Variants in PLXNA4 observed in about 807,000 individuals in gnomAD.
PLXNA4 encodes the protein plexin-A4.
PLXNA4 carries 44 observed loss-of-function variants against 191.8 expected under a neutral mutation model. The observed-to-expected ratio is 0.23, with a 90% CI of 0.18 to 0.29. PLXNA4 has a LOEUF of 0.29. PLXNA4 is among the 10% of genes least tolerant of loss of function. The pLI is 1.00. For missense variants in PLXNA4, 1,800 were observed against 2,488.8 expected, an observed-to-expected ratio of 0.72 and a Z score of 5.89; for synonymous variants, 1,082 against 1,009.5, an observed-to-expected ratio of 1.07 and a Z score of -1.36.
intron 3 of PLXNA4, among the ~76,000 whole-genome samples, chr7:132,393,196 C>T (rs1397513434): frequency 7.2e-6 from 1 of 139,036 alleles, no homozygotes; most frequent in Admixed American, 7.5e-5. Context: ...CAACACCCCC[C>T]CCCACCACCA....
chr7:132,490,855 C>G (rs1024224972), intron 2 of PLXNA4, among the ~76,000 whole-genome samples: 2 of 152,180 alleles, frequency 1.3e-5, no homozygotes, highest in Non-Finnish European at 2.9e-5. Flanking sequence ...AGTCAGGAAG[C>G]TTTGGGGCCA....
At chr7:132,412,154 AC>A (rs1794481158) in intron 3 of PLXNA4, among the ~76,000 whole-genome samples, 1 of 151,760 alleles carries the variant, frequency 6.6e-6, no homozygotes, top group African/African-American at 2.4e-5. Flanking sequence ...TTCTGAGTAG[AC>A]CCCCAAAACT....
At chr7:132,498,920 T>C (rs1798137619) in intron 2 of PLXNA4, among the ~76,000 whole-genome samples, 1 of 152,228 alleles carries the variant, frequency 6.6e-6, no homozygotes, top group Admixed American at 6.5e-5. Flanking sequence ...CTTCTTTTAA[T>C]ACTCATTTTG....
chr7:132,158,413 G>A (rs6956441), intron 25 of PLXNA4, among the ~76,000 whole-genome samples: 2,556 of 152,246 alleles, frequency 0.017, 60 homozygotes, highest in African/African-American at 0.058. Flanking sequence ...TATGTTACCA[G>A]GAATCTCCAG....
intron 4 of PLXNA4, among the ~76,000 whole-genome samples, chr7:132,252,024 C>G (rs1033954135): frequency 1.3e-5 from 2 of 152,148 alleles, no homozygotes; most frequent in Admixed American, 6.5e-5. Context: ...GAGGCAGAGA[C>G]GACAGATGAC....
chr7:132,638,296 C>T (rs1410584594), intron 2 of PLXNA4, among the ~76,000 whole-genome samples: 4 of 152,186 alleles, frequency 2.6e-5, no homozygotes, highest in Admixed American at 6.5e-5. Context: ...CACATCATAG[C>T]GGGTTTAGGC....
intron 3 of PLXNA4, among the ~76,000 whole-genome samples, chr7:132,310,885 C>T (rs1801703234): frequency 6.6e-6 from 1 of 152,130 alleles, no homozygotes; most frequent in Non-Finnish European, 1.5e-5. Flanking sequence ...CCATGTTCAC[C>T]TATGACAAGG....
At chr7:132,522,385 G>A (rs1367146502) in intron 1 of PLXNA4, among the ~76,000 whole-genome samples, 1 of 152,206 alleles carries the variant, frequency 6.6e-6, no homozygotes, top group Non-Finnish European at 1.5e-5. Flanking sequence ...CATGACTTTG[G>A]ATGTCAGAGA....
chr7:132,165,222 A>C, intron 22 of PLXNA4, 22 bp from the exon 23 acceptor site: 1 of 1,608,296 alleles, frequency 6.2e-7, no homozygotes, highest in Non-Finnish European at 8.5e-7. Context: ...CACCGAGGGA[A>C]CCAACGGAAC....
chr7:132,364,444 T>C (rs1804072858), intron 3 of PLXNA4, among the ~76,000 whole-genome samples: 1 of 152,054 alleles, frequency 6.6e-6, no homozygotes, highest in African/African-American at 2.4e-5. Context: ...AGTGGTTTCA[T>C]GTCAGCTCAC....
At position 132,539,866 on chromosome 7, in the gene PLXNA4, T is replaced by C. The variant is rs140935195; in HGVS notation, c.-86-31087A>G. On this transcript the variant is annotated intron_variant, in intron 1 of 31. Transcript: ENST00000321063. ...TTAGAGAGTTTTTGAAAGGAATCGT[T>C]CAAGGTCACTCAGCTATCAAAGATA... Among the ~76,000 whole-genome samples the C allele has an allele frequency of 5.1e-3, 781 of 152,314 alleles. 3 individuals are homozygous for C. Among genetic ancestry groups the C allele is most frequent in the Middle Eastern group, 0.044 (13 of 294 alleles).
rs530262352 is a variant in PLXNA4 at position 132,509,160 on chromosome 7, AGAGGGAGG to A, written c.-86-389_-86-382del. Among the ~76,000 whole-genome samples the A allele has an allele frequency of 3.0e-4, 37 of 124,198 alleles. 1 individual carries two copies. The highest frequency in any genetic ancestry group is 1.1e-3 in the African/African-American group (35 of 33,032). The allele number at this position is 124,198 out of a possible 152,430, so 81.5% of individuals were successfully genotyped here. A position where few individuals can be genotyped will look rare whatever the true frequency, so the allele number is the denominator to read the frequency against. On this transcript the variant is annotated intron_variant, in intron 1 of 31. Coordinates refer to ENST00000321063, the MANE Select transcript of PLXNA4 (RefSeq NM_020911.2). ...ATCCGCAAAGACTGGCTGGAGGAGA[AGAGGGAGG>A]GAGGGAGGGAGGGAGGGAGGAAGGG...
intron 1 of PLXNA4, among the ~76,000 whole-genome samples, chr7:132,553,591 C>T (rs538759491): frequency 1.1e-3 from 167 of 152,294 alleles, no homozygotes; most frequent in Non-Finnish European, 1.8e-3. Context: ...CTGCACCAGT[C>T]CATATCTTAC....
At chr7:132,494,802 C>T (rs1205976449) in intron 2 of PLXNA4, among the ~76,000 whole-genome samples, 1 of 152,210 alleles carries the variant, frequency 6.6e-6, no homozygotes, top group Non-Finnish European at 1.5e-5. Flanking sequence ...TCTATCATCT[C>T]CATGAAAAGG....
chr7:132,325,525 GAGTCT>G (rs1460348426), intron 3 of PLXNA4, among the ~76,000 whole-genome samples: 1 of 151,764 alleles, frequency 6.6e-6, no homozygotes, highest in Non-Finnish European at 1.5e-5. Flanking sequence ...GATTAGGGTG[GAGTCT>G]ACACCATATT....
intron 3 of PLXNA4, among the ~76,000 whole-genome samples, chr7:132,314,476 T>G (rs1415612564): frequency 6.6e-6 from 1 of 152,186 alleles, no homozygotes; most frequent in Admixed American, 6.5e-5. Context: ...CCGGGGGTGC[T>G]GGTTCCCTTC....
intron 4 of PLXNA4, among the ~76,000 whole-genome samples, chr7:132,276,534 G>T (rs572250436): frequency 6.6e-6 from 1 of 151,920 alleles, no homozygotes; most frequent in South Asian, 2.1e-4. Flanking sequence ...TCCCTGAGTC[G>T]TCCCTAAGCA....
chr7:132,319,902 A>G (rs1313739846), intron 3 of PLXNA4, among the ~76,000 whole-genome samples: 1 of 152,152 alleles, frequency 6.6e-6, no homozygotes, highest in Non-Finnish European at 1.5e-5. Flanking sequence ...GCTCTGCTGG[A>G]GTTCTGCAGG....
chr7:132,438,443 G>T (rs1036481561), intron 3 of PLXNA4, among the ~76,000 whole-genome samples: 3 of 152,138 alleles, frequency 2.0e-5, no homozygotes, highest in Non-Finnish European at 4.4e-5. Context: ...AGGGTAGGTA[G>T]ATACATAACA....
Sources: allele counts gnomAD v4.1 joint callset (sites outside exome capture counted in the v4.1 genomes callset), GRCh38; gene constraint gnomAD v4.1.1; transcripts MANE v1.5; gene names NCBI Gene and HGNC (gene_info 2026-07-23, HGNC 2026-07-21).